LRMDA: variants seen among roughly 807,000 people sequenced by gnomAD.
LRMDA encodes the protein leucine rich melanocyte differentiation associated.
A neutral mutation model predicts 29.8 loss-of-function variants in LRMDA; 18 were observed. The observed-to-expected ratio is 0.60, with a 90% CI of 0.42 to 0.90. The LOEUF is 0.90. LRMDA is among the 40% of genes least tolerant of loss of function. The pLI is 0.00. For missense variants in LRMDA, 273 were observed against 273.9 expected (o/e 1.00, Z 0.02); for synonymous variants, 125 against 109.4 (o/e 1.14, Z -0.89).
chr10:76,095,734 C>A (rs187292899), intron 5 of LRMDA, among the ~76,000 whole-genome samples: 9 of 152,116 alleles, frequency 5.9e-5, no homozygotes, highest in African/African-American at 2.2e-4. Context: ...GATATCTATG[C>A]CATTGTGGTC....
intron 2 of LRMDA, among the ~76,000 whole-genome samples, chr10:75,984,254 G>A (rs550406640): frequency 6.6e-6 from 1 of 152,358 alleles, no homozygotes; most frequent in Admixed American, 6.5e-5. Flanking sequence ...CAGGCTGCCT[G>A]GAATTCTTGG....
chr10:75,834,096 C>T (rs997701542), intron 2 of LRMDA, among the ~76,000 whole-genome samples: 3 of 152,178 alleles, frequency 2.0e-5, no homozygotes, highest in African/African-American at 7.2e-5. Flanking sequence ...TAGAACTTGC[C>T]TACTTTACAG....
chr10:76,165,739 G>A (rs1898097), intron 5 of LRMDA, among the ~76,000 whole-genome samples: 25,644 of 152,048 alleles, frequency 0.17, 2,806 homozygotes, highest in East Asian at 0.52. Context: ...ACCAGATATC[G>A]TGAGAACTCA....
At chr10:75,849,620 G>A (rs541366553) in intron 2 of LRMDA, among the ~76,000 whole-genome samples, 55 of 152,270 alleles carry the variant, frequency 3.6e-4, no homozygotes, top group Admixed American at 9.2e-4. Flanking sequence ...GGTTGCGGGA[G>A]GGAGAGCATT....
At chr10:75,631,237 A>C (rs150387349) in intron 2 of LRMDA, among the ~76,000 whole-genome samples, 1,537 of 152,192 alleles carry the variant, frequency 0.01, 27 homozygotes, top group African/African-American at 0.034. Context: ...CCTCACCCTA[A>C]GTCCTATATC....
chr10:75,446,976 C>T (rs1844403386), intron 2 of LRMDA, among the ~76,000 whole-genome samples: 1 of 152,136 alleles, frequency 6.6e-6, no homozygotes, highest in Non-Finnish European at 1.5e-5. Context: ...ATGTAGTGGT[C>T]TTATTTGGGA....
intron 6 of LRMDA, among the ~76,000 whole-genome samples, chr10:76,527,320 A>G (rs1843187376): frequency 6.6e-6 from 1 of 152,166 alleles, no homozygotes; most frequent in Admixed American, 6.5e-5. Context: ...TATTCTGTAC[A>G]GAGTGTTTAA....
chr10:75,819,547 G>A (rs917804432), intron 2 of LRMDA, among the ~76,000 whole-genome samples: 1 of 152,126 alleles, frequency 6.6e-6, no homozygotes, highest in East Asian at 1.9e-4. Flanking sequence ...TATGATAAAA[G>A]GACCTCTTAG....
intron 2 of LRMDA, among the ~76,000 whole-genome samples, chr10:75,591,388 C>T (rs1415629387): frequency 3.3e-5 from 5 of 152,178 alleles, no homozygotes; most frequent in African/African-American, 1.2e-4. Context: ...TGTATCCTCA[C>T]GGTTGTACAA....
At chr10:75,433,047 G>T (rs1844220531) in intron 1 of LRMDA, among the ~76,000 whole-genome samples, 1 of 152,162 alleles carries the variant, frequency 6.6e-6, no homozygotes, top group Non-Finnish European at 1.5e-5. Flanking sequence ...CTGCGGAGAG[G>T]CTAAAAATGA....
intron 6 of LRMDA, among the ~76,000 whole-genome samples, chr10:76,494,860 T>C (rs150682364): frequency 6.6e-6 from 1 of 152,080 alleles, no homozygotes; most frequent in African/African-American, 2.4e-5. Flanking sequence ...CTCTATTTAA[T>C]ATTTTGTTTC....
At chr10:76,166,921 G>A (rs1226494811) in intron 5 of LRMDA, among the ~76,000 whole-genome samples, 1 of 152,116 alleles carries the variant, frequency 6.6e-6, no homozygotes, top group African/African-American at 2.4e-5. Context: ...CAGTATTTAA[G>A]CATTCCCTTT....
intron 2 of LRMDA, among the ~76,000 whole-genome samples, chr10:75,485,502 T>A (rs1177800784): frequency 2.6e-5 from 4 of 152,158 alleles, no homozygotes; most frequent in African/African-American, 4.8e-5. Context: ...GCTTAAGTGA[T>A]TCTTGTTCCT....
chr10:75,823,009 C>T (rs767026701), intron 2 of LRMDA, among the ~76,000 whole-genome samples: 12 of 152,068 alleles, frequency 7.9e-5, no homozygotes, highest in Non-Finnish European at 1.6e-4. Context: ...CCTCAAACTA[C>T]AAAAATCCTA....
chr10:76,325,854 A>C (rs560978449), intron 6 of LRMDA, among the ~76,000 whole-genome samples: 19 of 152,354 alleles, frequency 1.2e-4, no homozygotes, highest in Admixed American at 9.8e-4. Context: ...CATTTTTAAC[A>C]GTAATATAAA....
chr10:76,476,594 T>TA (rs1358177909), intron 6 of LRMDA, among the ~76,000 whole-genome samples: 1 of 151,380 alleles, frequency 6.6e-6, no homozygotes, highest in African/African-American at 2.4e-5. Flanking sequence ...AGAGACACAA[T>TA]AAAAAAAGAG....
intron 2 of LRMDA, among the ~76,000 whole-genome samples, chr10:75,772,430 A>G (rs1487069742): frequency 6.6e-6 from 1 of 152,186 alleles, no homozygotes; most frequent in African/African-American, 2.4e-5. Flanking sequence ...GAAACGCCAC[A>G]TCTTTTGCAG....
At chr10:76,019,264 T>C (rs1847930817) in intron 2 of LRMDA, among the ~76,000 whole-genome samples, 1 of 152,208 alleles carries the variant, frequency 6.6e-6, no homozygotes, top group East Asian at 1.9e-4. Context: ...GCATTTGTTG[T>C]ATTGCAGCAT....
At chr10:75,576,178 T>C (rs1321795009) in intron 2 of LRMDA, among the ~76,000 whole-genome samples, 1 of 152,102 alleles carries the variant, frequency 6.6e-6, no homozygotes, top group Non-Finnish European at 1.5e-5. Context: ...TCAAGCTTAG[T>C]GGGAGGAGGG....
Sources: allele counts gnomAD v4.1 joint callset (sites outside exome capture counted in the v4.1 genomes callset), GRCh38; gene constraint gnomAD v4.1.1; transcripts MANE v1.5; gene names NCBI Gene and HGNC (gene_info 2026-07-23, HGNC 2026-07-21).